SEPTIN4: variants seen among roughly 807,000 people sequenced by gnomAD.
The protein encoded by SEPTIN4 is septin-4.
A neutral mutation model predicts 107.1 loss-of-function variants in SEPTIN4; 52 were observed. That is an observed-to-expected ratio of 0.49 (90% confidence interval 0.39 to 0.61). The LOEUF is 0.61. Among genes scored for constraint, SEPTIN4 ranks in the 20% least tolerant of loss-of-function variants. SEPTIN4 has a pLI of 0.00. For synonymous variants in SEPTIN4, 417 were observed against 467.0 expected, an observed-to-expected ratio of 0.89 and a Z score of 1.38; for missense variants, 1,048 against 1,243.5, an observed-to-expected ratio of 0.84 and a Z score of 2.36.
At chr17:58,542,069 A>G in intron 1 of SEPTIN4, 103 bp from the exon 2 acceptor site, 1 of 1,377,262 alleles carries the variant, frequency 7.3e-7, no homozygotes, top group South Asian at 1.3e-5. Context: ...TTCTCCACTC[A>G]AAGGTGCCCT....
chr17:58,541,785 C>T, intron 2 of SEPTIN4, 137 bp downstream of exon 2: 4 of 1,598,828 alleles, frequency 2.5e-6, no homozygotes, highest in South Asian at 2.2e-5. Context: ...TGAGAAGTTC[C>T]TCTGCTTCTT....
chr17:58,521,964 T>TAC lies in SEPTIN4; in HGVS notation c.2351+1_2351+2dup. Reference sequence around the variant, plus strand: ...TGCCAGGAGCCTCAGGCTTGGACCATACCCATGGCCGAAGGGTGAGATGAA... The same window carrying TAC: ...TGCCAGGAGCCTCAGGCTTGGACCATACACCCATGGCCGAAGGGTGAGATGAA... On this transcript the variant is annotated splice_region_variant and intron_variant, in intron 8 of 13. Coordinates refer to ENST00000672673, the MANE Select transcript of SEPTIN4 (RefSeq NM_001368771.2). The surrounding 1 kb of genome is among the most constrained non-coding windows in gnomAD (Gnocchi z 6.4). 2.5e-6 allele frequency: 4 copies of TAC among 1,614,206 alleles called. No homozygotes were observed. Among genetic ancestry groups the TAC allele is most frequent in the Non-Finnish European group, 3.4e-6 (4 of 1,180,034 alleles).
intron 2 of SEPTIN4, among the ~76,000 whole-genome samples, chr17:58,541,134 C>T (rs745734591): frequency 1.1e-3 from 164 of 152,312 alleles, no homozygotes; most frequent in Non-Finnish European, 1.8e-3. Context: ...CTGACCATCA[C>T]TAGGAGGGTT....
At chr17:58,524,031 G>A (rs966435972) in intron 7 of SEPTIN4, among the ~76,000 whole-genome samples, 3 of 152,128 alleles carry the variant, frequency 2.0e-5, no homozygotes, top group Non-Finnish European at 2.9e-5. Context: ...ATTGATTGAA[G>A]GAGATCATTT....
chr17:58,543,796 C>T lies in SEPTIN4; in HGVS notation c.391G>A (p.Ala131Thr). Residue 131 changes from alanine (A) to threonine (T), a missense_variant, in exon 1 of 14, where the codon GCA becomes ACA. Around this residue, in one of 2 missense-constraint regions of SEPTIN4, gnomAD observed 787 missense variants for 871.8 expected, o/e 0.90. Transcript: ENST00000672673. Reference protein sequence around the residue: ...WKVSPPREEAARRGSESKSGR... With the variant: ...WKVSPPREEATRRGSESKSGR... Reference sequence around the variant, plus strand: ...GACTTGCTCTCACTGCCTCTTCGTGCTGCTTCCTCTCTGGGTGGACTAACT... The same window carrying T: ...GACTTGCTCTCACTGCCTCTTCGTGTTGCTTCCTCTCTGGGTGGACTAACT... 1 of 1,614,226 alleles carries T rather than the reference C, an allele frequency of 6.2e-7. No homozygotes were observed. The highest frequency in any genetic ancestry group is 8.5e-7 in the Non-Finnish European group (1 of 1,180,050).
rs1008521483 is a variant in SEPTIN4, at chr17:58,521,053, G to A, written c.2776C>T (p.Arg926Trp). Reference sequence around the variant, plus strand: ...GTCATGCTCTGGATGCACTGTGCCCGGTAGTTCTCATAATGTGTCTCCCGT... The same window carrying A: ...GTCATGCTCTGGATGCACTGTGCCCAGTAGTTCTCATAATGTGTCTCCCGT... The part of the protein sequence containing the change: ...VTRETHYENY[R>W]AQCIQSMTRL... The change falls in exon 12 of 14, where the codon CGG (arginine) becomes TGG (tryptophan). Residue 926 changes from arginine to tryptophan, a missense_variant. By Grantham distance (101) the Arg-to-Trp change is moderately radical. Transcript: ENST00000672673. This position sits in a 1 kb window ranked among gnomAD's most constrained non-coding sequence, Gnocchi z 6.4. 3.0e-5 allele frequency: 49 copies of A among 1,614,044 alleles called. No individual in the cohort carries two copies. Among genetic ancestry groups the A allele is most frequent in the Admixed American group, 2.7e-4 (16 of 60,004 alleles).
rs756115008 is a variant in SEPTIN4, at chr17:58,526,834, G to T, written c.1759C>A (p.Pro587Thr). ...PQVPEPRPQA[P>T]DLYDDDLEFR... ...TCCAGGTCATCATCATAGAGGTCCG[G>T]GGCCTGGGGCCTTGGCTCCGGGACT... The change falls in exon 4 of 14, where the codon CCG becomes ACG. Residue 587 changes from proline to threonine, a missense_variant. By Grantham distance (38) the Pro-to-Thr change is conservative. Transcript: ENST00000672673. 1.2e-6 allele frequency: 2 copies of T among 1,613,742 alleles called. No individual in the cohort carries two copies. The highest frequency in any genetic ancestry group is 1.7e-6 in the Non-Finnish European group (2 of 1,179,916).
At chr17:58,533,348 G>T (rs2043592640) in intron 3 of SEPTIN4, among the ~76,000 whole-genome samples, 1 of 152,190 alleles carries the variant, frequency 6.6e-6, no homozygotes, top group Non-Finnish European at 1.5e-5. Context: ...ACCTGTCAGG[G>T]TCTCAATTTC....
chr17:58,531,825 G>A, intron 3 of SEPTIN4: 1 of 841,854 alleles, frequency 1.2e-6, no homozygotes, highest in Non-Finnish European at 1.5e-6. Context: ...GCCTGTGCCC[G>A]GGGCCGGCGA....
intron 3 of SEPTIN4, among the ~76,000 whole-genome samples, 156 bp downstream of exon 3, chr17:58,540,510 C>A (rs2043850294): frequency 6.6e-6 from 1 of 152,234 alleles, no homozygotes; most frequent in Non-Finnish European, 1.5e-5. Flanking sequence ...CACTTGCCCC[C>A]TCTACCAGGT....
intron 3 of SEPTIN4, among the ~76,000 whole-genome samples, chr17:58,534,235 A>T (rs2043633524): frequency 6.6e-6 from 1 of 152,232 alleles, no homozygotes; most frequent in African/African-American, 2.4e-5. Context: ...AAAGCTGAAG[A>T]CTGACTTTGA....
chr17:58,521,609 T>C lies in SEPTIN4; in HGVS notation c.2507A>G (p.Tyr836Cys), dbSNP rs1366234032. ...ATCAGAGTCACAGTCTGGGAATTGATAGATCTTGATTCCAAAATGCTCAAT... is the reference window on the plus strand; with the variant it reads ...ATCAGAGTCACAGTCTGGGAATTGACAGATCTTGATTCCAAAATGCTCAAT... ...EEIEHFGIKI[Y>C]QFPDCDSDED... Residue 836 changes from tyrosine to cysteine, a missense_variant, in exon 10 of 14, where the codon TAT becomes TGT. Tyr to Cys is a radical substitution (Grantham distance 194). Transcript: ENST00000672673. The surrounding 1 kb of genome is among the most constrained non-coding windows in gnomAD (Gnocchi z 6.4). The C allele has an allele frequency of 1.9e-6, 3 of 1,614,234 alleles. No homozygotes were observed. The highest frequency in any genetic ancestry group is 2.5e-6 in the Non-Finnish European group (3 of 1,180,038).
chr17:58,531,915 C>G lies in SEPTIN4; in HGVS notation c.1615-4937G>C, dbSNP rs575306091. ...CCGCCCGGGAGCGACCGGCCCTGCG[C>G]ACCCCAGCCCTGCCCCGCGCCCGCC... is the stretch of plus-strand genomic sequence containing the variant. On this transcript the variant is annotated intron_variant, in intron 3 of 13. Coordinates refer to ENST00000672673, the MANE Select transcript of SEPTIN4 (RefSeq NM_001368771.2). 3,015 of 1,133,780 alleles carry G rather than the reference C, an allele frequency of 2.7e-3. 7 individuals are homozygous for G. The highest frequency in any genetic ancestry group is 3.1e-3 in the Non-Finnish European group (2,889 of 926,108). The allele number at this position is 1,133,780 out of a possible 1,614,324, so 70.2% of individuals were successfully genotyped here.
chr17:58,525,814 G>T, intron 5 of SEPTIN4, 33 bp from the exon 6 acceptor site: 1 of 1,581,872 alleles, frequency 6.3e-7, no homozygotes, highest in South Asian at 1.1e-5. Context: ...CACCAAATCA[G>T]AAGGTAAGAT....
At chr17:58,529,726 G>A (rs530567252) in intron 3 of SEPTIN4, 2 of 157,506 alleles carry the variant, frequency 1.3e-5, no homozygotes, top group East Asian at 1.8e-4. Context: ...CAGTGCTGGA[G>A]TAGGTGAGAT....
rs760085188 is a variant in SEPTIN4 at position 58,543,204 on chromosome 17, T to A, written c.983A>T (p.Asn328Ile). Residue 328 changes from asparagine (N) to isoleucine (I), a missense_variant, in exon 1 of 14, where the codon AAC becomes ATC. Around this residue, in one of 2 missense-constraint regions of SEPTIN4, gnomAD observed 787 missense variants for 871.8 expected, o/e 0.90. Coordinates refer to ENST00000672673, the MANE Select transcript of SEPTIN4 (RefSeq NM_001368771.2). Reference sequence around the variant, plus strand: ...GGTGACCCTGCGGCCAACCTCGCTGTTTCCTCGGATTGGGGTCCTCACGTT... The same window carrying A: ...GGTGACCCTGCGGCCAACCTCGCTGATTCCTCGGATTGGGGTCCTCACGTT... ...ESNVRTPIRG[N>I]SEVGRRVTIS... is the part of the protein sequence containing the mutation. The A allele has an allele frequency of 1.1e-5, 17 of 1,613,992 alleles. No homozygotes were observed. In the African/African-American group the frequency reaches 2.1e-4, roughly 20 times the overall value.
At chr17:58,528,946 A>G (rs1257103953) in intron 3 of SEPTIN4, among the ~76,000 whole-genome samples, 1 of 152,190 alleles carries the variant, frequency 6.6e-6, no homozygotes, top group Non-Finnish European at 1.5e-5. Context: ...AGGGGGCCAC[A>G]GGGGCTCTAG....
intron 3 of SEPTIN4, among the ~76,000 whole-genome samples, chr17:58,536,777 G>C (rs1275665700): frequency 2.0e-5 from 3 of 152,222 alleles, no homozygotes; most frequent in Non-Finnish European, 4.4e-5. Context: ...GCAGAGGAGG[G>C]TGAGGGGACA....
rs1195926143 is a variant in SEPTIN4, at chr17:58,526,724, G to C, written c.1869C>G (p.Pro623=). The change falls in exon 4 of 14, where the codon CCC becomes CCG. Residue 623 remains proline, a synonymous_variant. Coordinates refer to ENST00000672673, the MANE Select transcript of SEPTIN4 (RefSeq NM_001368771.2). ...GATCAAGCTTGCCCCATGGGCTGCG[G>C]GGCCTGGCAGATGGGCTGAGAGGGG... ...APAPLSPSAR[P]RSPWGKLDPY... is the part of the protein sequence containing the mutation. 3 of 1,607,762 alleles carry C rather than the reference G, an allele frequency of 1.9e-6. No homozygotes were observed. Among genetic ancestry groups the C allele is most frequent in the Non-Finnish European group, 2.5e-6 (3 of 1,177,474 alleles).
Sources: gnomAD v4.1 joint callset for allele counts (sites outside exome capture counted in the v4.1 genomes callset) on GRCh38, gnomAD v4.1.1 for gene constraint, gnomAD v4.1.1 regional missense constraint, Gnocchi (gnomAD v3.1) non-coding constraint, MANE v1.5 for transcripts, NCBI Gene and HGNC (gene_info 2026-07-23, HGNC 2026-07-21) for gene names.